Variants in SPINK6 observed in about 807,000 individuals in gnomAD.
The protein encoded by SPINK6 is serine protease inhibitor Kazal-type 6.
In SPINK6, 13 loss-of-function variants were observed where a neutral mutation model predicts 11.7. The observed-to-expected ratio is 1.11, with a 90% CI of 0.72 to 1.76. SPINK6 has a LOEUF of 1.76. SPINK6 is among the 40% of genes most tolerant of loss of function. The pLI, the probability that SPINK6 is intolerant of heterozygous loss-of-function variation, is 0.00. For synonymous variants in SPINK6, 21 were observed against 31.9 expected (o/e 0.66, Z 1.15); for missense variants, 98 against 93.7 (o/e 1.05, Z -0.19).
chr5:148,203,571 AT>A (rs1755461711), intron 1 of SPINK6, among the ~76,000 whole-genome samples: 1 of 152,228 alleles, frequency 6.6e-6, no homozygotes, highest in Non-Finnish European at 1.5e-5. Flanking sequence ...TGGAGGATGG[AT>A]AATTGCATTA....
At position 148,215,024 on chromosome 5, in the gene SPINK6, T is replaced by C; in HGVS notation, c.*74T>C. The C allele has an allele frequency of 6.9e-7, 1 of 1,452,006 alleles. No individual in the cohort carries two copies. The highest frequency in any genetic ancestry group is 9.7e-7 in the Non-Finnish European group (1 of 1,035,840). 89.9% of individuals were successfully genotyped at this position (1,452,006 alleles called of 1,614,324 possible). A position where few individuals can be genotyped will look rare whatever the true frequency, so the allele number is the denominator to read the frequency against. On this transcript the variant is annotated 3_prime_UTR_variant, in exon 4 of 4. Coordinates refer to ENST00000325630, the MANE Select transcript of SPINK6 (RefSeq NM_205841.4). ...TTCTCACTTCTGCTTATACTTTTGC[T>C]GGTGGATTCCTTTAATTCATAAAGA...
chr5:148,213,154 G>A (rs1242649219), intron 2 of SPINK6, among the ~76,000 whole-genome samples: 1 of 151,842 alleles, frequency 6.6e-6, no homozygotes, highest in Non-Finnish European at 1.5e-5. Context: ...AAAGTAACAA[G>A]CATCAGGTGA....
chr5:148,205,942 C>G, intron 1 of SPINK6, 94 bp from the exon 2 acceptor site: 1 of 1,278,754 alleles, frequency 7.8e-7, no homozygotes, highest in Non-Finnish European at 1.1e-6. Context: ...TAGCCAAGTA[C>G]CAGGAGTAGA....
chr5:148,211,909 A>G (rs1755603459), intron 2 of SPINK6, among the ~76,000 whole-genome samples: 1 of 152,182 alleles, frequency 6.6e-6, no homozygotes, highest in South Asian at 2.1e-4. Context: ...AATATTTTGA[A>G]GCAATTGATA....
chr5:148,210,152 ATTTC>A, intron 2 of SPINK6, among the ~76,000 whole-genome samples: 1 of 15,028 alleles, frequency 6.7e-5, no homozygotes, highest in Non-Finnish European at 5.0e-4. Flanking sequence ...ATATGTATGT[ATTTC>A]TGCATGCATA....
chr5:148,214,576 G>GA (rs1177732776), intron 3 of SPINK6, among the ~76,000 whole-genome samples: 2 of 152,082 alleles, frequency 1.3e-5, no homozygotes, highest in Non-Finnish European at 2.9e-5. Context: ...TCTTCTGTCA[G>GA]AAAAAAACTA....
rs142673269 is a variant in SPINK6, at chr5:148,207,572, T to C, written c.81+1514T>C. On this transcript the variant is annotated intron_variant, in intron 2 of 3. Coordinates refer to ENST00000325630, the MANE Select transcript of SPINK6 (RefSeq NM_205841.4). The stretch of plus-strand genomic sequence containing the variant: ...AGGGCCGGGCACGGTGCCTCATGCC[T>C]GTAATCCCAGCACTTGGGGAGGCCG... Among the ~76,000 whole-genome samples the C allele has an allele frequency of 2.2e-3, 337 of 152,252 alleles. 3 individuals are homozygous for C. The highest frequency in any genetic ancestry group is 7.7e-3 in the African/African-American group (318 of 41,554).
intron 1 of SPINK6, 34 bp downstream of exon 1, chr5:148,203,188 T>C (rs1279278717): frequency 2.0e-6 from 3 of 1,493,146 alleles, no homozygotes; most frequent in Non-Finnish European, 2.8e-6. Flanking sequence ...ATCCCATATT[T>C]ATACTGAACT....
chr5:148,209,726 G>T (rs1173078900), intron 2 of SPINK6, among the ~76,000 whole-genome samples: 1 of 151,960 alleles, frequency 6.6e-6, no homozygotes, highest in Admixed American at 6.6e-5. Context: ...ATTTGGAACT[G>T]GCAAAGAAAA....
intron 2 of SPINK6, among the ~76,000 whole-genome samples, chr5:148,210,976 T>A (rs933640660): frequency 6.6e-6 from 1 of 152,176 alleles, no homozygotes; most frequent in African/African-American, 2.4e-5. Flanking sequence ...GAGATGCCAT[T>A]ATATATCCCA....
intron 2 of SPINK6, 69 bp downstream of exon 2, chr5:148,206,127 G>A: frequency 1.3e-6 from 2 of 1,566,980 alleles, no homozygotes; most frequent in Admixed American, 3.4e-5. Flanking sequence ...TGGCCAAAAA[G>A]AAATTTGTCT....
intron 2 of SPINK6, among the ~76,000 whole-genome samples, chr5:148,212,666 T>A (rs1343059360): frequency 1.4e-3 from 145 of 102,396 alleles, no homozygotes; most frequent in African/African-American, 2.4e-3. Flanking sequence ...ATTTATATAT[T>A]TATATAATAT....
Position 148,210,239 on chromosome 5 carries a change from C to T in SPINK6, c.82-3671C>T, listed in dbSNP as rs115238674. Among the ~76,000 whole-genome samples the T allele has an allele frequency of 9.8e-4, 111 of 112,816 alleles. 3 individuals are homozygous for T. The highest frequency in any genetic ancestry group is 4.4e-3 in the African/African-American group (107 of 24,478). The allele number at this position is 112,816 out of a possible 152,430, so 74.0% of individuals were successfully genotyped here. A position where few individuals can be genotyped will look rare whatever the true frequency, so the allele number is the denominator to read the frequency against. On this transcript the variant is annotated intron_variant, in intron 2 of 3. Coordinates refer to ENST00000325630, the MANE Select transcript of SPINK6 (RefSeq NM_205841.4). ...ATGCATATGTATTTCTGCATGCATA[C>T]GTATGTATTTCTGCATACATATATA...
chr5:148,212,612 AT>A (rs1440744524), intron 2 of SPINK6, among the ~76,000 whole-genome samples: 1 of 104,430 alleles, frequency 9.6e-6, no homozygotes, highest in East Asian at 2.5e-4. Context: ...TATAATATAT[AT>A]TTATATTATA....
At chr5:148,212,854 A>C (rs1001246344) in intron 2 of SPINK6, among the ~76,000 whole-genome samples, 1 of 141,066 alleles carries the variant, frequency 7.1e-6, no homozygotes, top group Non-Finnish European at 1.5e-5. Context: ...TAGTATATAA[A>C]TATATATTTA....
chr5:148,214,072 C>T (rs1485566155), intron 3 of SPINK6, 47 bp downstream of exon 3: 1 of 1,155,614 alleles, frequency 8.7e-7, no homozygotes, highest in African/African-American at 1.5e-5. Flanking sequence ...CACAAACTTC[C>T]ATAATAAGAC....
intron 2 of SPINK6, among the ~76,000 whole-genome samples, chr5:148,210,154 TTCTGCATGC>T (rs2113312978): frequency 6.8e-5 from 1 of 14,772 alleles, no homozygotes; most frequent in Non-Finnish European, 5.2e-4. Context: ...ATGTATGTAT[TTCTGCATGC>T]ATATGTATTT....
At chr5:148,203,365 G>A (rs568769337) in intron 1 of SPINK6, among the ~76,000 whole-genome samples, 70 of 152,138 alleles carry the variant, frequency 4.6e-4, no homozygotes, top group African/African-American at 1.6e-3. Context: ...CTATATTCTA[G>A]GCATGTACGA....
At chr5:148,206,186 C>T (rs1424831290) in intron 2 of SPINK6, 128 bp downstream of exon 2, 2 of 856,744 alleles carry the variant, frequency 2.3e-6, no homozygotes, top group Non-Finnish European at 3.7e-6. Flanking sequence ...ATGCAGACAT[C>T]AGCAGAAATT....
Sources: gnomAD v4.1 joint callset for allele counts (sites outside exome capture counted in the v4.1 genomes callset) on GRCh38, gnomAD v4.1.1 for gene constraint, MANE v1.5 for transcripts, NCBI Gene and HGNC (gene_info 2026-07-23, HGNC 2026-07-21) for gene names.